The following NEBL variants were observed in gnomAD, a reference collection of about 807,000 sequenced individuals.
NEBL encodes the protein LIM and SH3 protein 2.
In NEBL, 122 loss-of-function variants were observed where a neutral mutation model predicts 140.2. The ratio of observed to expected loss-of-function variants is 0.87; its 90% CI spans 0.75 to 1.01. The LOEUF is 1.01. Ranked by LOEUF, NEBL falls within the 50% of genes least tolerant of loss-of-function variation. NEBL has a pLI of 0.00. For synonymous variants in NEBL, 436 were observed against 398.9 expected, an observed-to-expected ratio of 1.09 and a Z score of -1.11; for missense variants, 1,365 against 1,231.3, an observed-to-expected ratio of 1.11 and a Z score of -1.62.
rs148238258 is a variant in NEBL at position 21,064,907 on chromosome 10, GA to G, written c.165-44707del. The stretch of plus-strand genomic sequence containing the variant: ...GAAATTAGGTGGTTTGGACAAGCAG[GA>G]AAAAAAAAATATTTAAGAATGAGAT... On this transcript the variant is annotated intron_variant, in intron 2 of 6. Coordinates refer to the NEBL transcript ENST00000417816. Among the ~76,000 whole-genome samples, 1,369 of 149,092 alleles carry G rather than the reference GA, an allele frequency of 9.2e-3. 42 individuals are homozygous for G. Among genetic ancestry groups the G allele is most frequent in the East Asian group, 0.089 (456 of 5,116 alleles).
chr10:20,957,252 G>A (rs1421122081), intron 4 of NEBL, among the ~76,000 whole-genome samples: 1 of 152,130 alleles, frequency 6.6e-6, no homozygotes, highest in Non-Finnish European at 1.5e-5. Flanking sequence ...ATCCGTGTGA[G>A]CTTATTAATG....
At chr10:20,825,078 T>C (rs927001634) in intron 18 of NEBL, among the ~76,000 whole-genome samples, 1 of 152,212 alleles carries the variant, frequency 6.6e-6, no homozygotes, top group Non-Finnish European at 1.5e-5. Context: ...TCCATGGTGC[T>C]ACAGAGGTTT....
chr10:20,928,647 G>A (rs914434249), intron 4 of NEBL, among the ~76,000 whole-genome samples: 1 of 152,134 alleles, frequency 6.6e-6, no homozygotes, highest in African/African-American at 2.4e-5. Flanking sequence ...TCCAATGGAA[G>A]GAAATATTCC....
intron 2 of NEBL, among the ~76,000 whole-genome samples, chr10:21,145,197 GCTATTGCC>G (rs1839837258): frequency 6.6e-6 from 1 of 152,198 alleles, no homozygotes; most frequent in Non-Finnish European, 1.5e-5. Context: ...ACAGTAGGTT[GCTATTGCC>G]CTTTGGTGTG....
chr10:21,209,440 T>C (rs1233375414), intron 3 of NEBL, among the ~76,000 whole-genome samples: 1 of 152,200 alleles, frequency 6.6e-6, no homozygotes, highest in Non-Finnish European at 1.5e-5. Context: ...GGGAGATGTG[T>C]ATTTTTTCAT....
In NEBL at chr10:21,272,037, A is replaced by G. The variant is rs1210592084; in HGVS notation, n.183-20209T>C. Among the ~76,000 whole-genome samples the G allele has an allele frequency of 2.0e-5, 3 of 149,886 alleles. No homozygotes were observed. The East Asian group carries it at 6.0e-4, about 30-fold the overall frequency. ...CAGTGGTGTAATCTCAGCTCACTGC[A>G]AGTTCCGCCTCCCAGGTTCACACCA... On this transcript the variant is annotated intron_variant and non_coding_transcript_variant, in intron 1 of 8. Transcript: ENST00000675702.
At chr10:21,109,259 T>C (rs1046126301) in intron 2 of NEBL, among the ~76,000 whole-genome samples, 3 of 152,142 alleles carry the variant, frequency 2.0e-5, no homozygotes, top group African/African-American at 7.2e-5. Flanking sequence ...GAGAGAATCA[T>C]GTGGTTTTTG....
intron 3 of NEBL, among the ~76,000 whole-genome samples, chr10:21,243,603 C>A (rs916351552): frequency 9.9e-5 from 15 of 152,072 alleles, no homozygotes; most frequent in African/African-American, 3.6e-4. Context: ...TGTGTATTGG[C>A]TCGTTATGAC....
At chr10:20,896,016 G>GATGT (rs1296187844) in intron 2 of NEBL, among the ~76,000 whole-genome samples, 1 of 152,150 alleles carries the variant, frequency 6.6e-6, no homozygotes, top group Non-Finnish European at 1.5e-5. Context: ...GACTTTGGAG[G>GATGT]ATGTGCCAGA....
chr10:20,977,925 G>A (rs778640163), intron 3 of NEBL, among the ~76,000 whole-genome samples: 1 of 152,052 alleles, frequency 6.6e-6, no homozygotes, highest in East Asian at 1.9e-4. Flanking sequence ...GGATTTGCTC[G>A]GAAACAAACA....
At chr10:20,829,368 T>A (rs543726333) in intron 16 of NEBL, among the ~76,000 whole-genome samples, 1 of 142,982 alleles carries the variant, frequency 7.0e-6, no homozygotes, top group African/African-American at 2.6e-5. Context: ...TTCTCACTCA[T>A]AGGTGGGAAT....
At chr10:21,220,750 T>C (rs1842055883) in intron 3 of NEBL, among the ~76,000 whole-genome samples, 1 of 152,142 alleles carries the variant, frequency 6.6e-6, no homozygotes, top group South Asian at 2.1e-4. Flanking sequence ...AAATCATACA[T>C]CAGATAAGAA....
chr10:20,818,890 T>C, intron 20 of NEBL: 1 of 986,324 alleles, frequency 1.0e-6, no homozygotes, highest in Non-Finnish European at 1.2e-6. Flanking sequence ...TGTAAAACTT[T>C]TCCTTTTTAA....
At chr10:21,276,926 G>A (rs1201009025) in intron 1 of NEBL, among the ~76,000 whole-genome samples, 1 of 151,982 alleles carries the variant, frequency 6.6e-6, no homozygotes, top group African/African-American at 2.4e-5. Context: ...CCAAGATCAT[G>A]CCAGTGTACT....
rs568662113 is a variant in NEBL, at chr10:20,859,811, T to A, written c.700A>T (p.Lys234Ter). 4 of 1,501,184 alleles carry A rather than the reference T, an allele frequency of 2.7e-6. No homozygotes were observed. Among genetic ancestry groups the A allele is most frequent in the Admixed American group, 3.4e-5 (2 of 58,900 alleles). 93.0% of individuals were successfully genotyped at this position (1,501,184 alleles called of 1,614,324 possible). The stretch of plus-strand genomic sequence containing the variant: ...TTATCCTTCATTTCATTATCAAATT[T>A]TTCTTTGTATTTAATCTGTCATAAA... ...KLSSQIKYKE[K>*]FDNEMKDKKH... Residue 234 changes from lysine to a stop codon, truncating the protein, a stop_gained, in exon 8 of 28, where the codon AAA (lysine) becomes TAA (stop). Coordinates refer to ENST00000377122, the MANE Select transcript of NEBL (RefSeq NM_006393.3). LOFTEE classifies it high-confidence loss of function.
rs951307941 is a variant in NEBL, at chr10:20,908,997, CT to C, written c.357+52674del. 1.6e-4 allele frequency among the ~76,000 whole-genome samples: 25 copies of C among 151,700 alleles called. No homozygotes were observed. The East Asian group carries it at 1.7e-3, about 11-fold the overall frequency. ...TCATAAAATTTGTGTTTGTGGCACT[CT>C]TTTTTTTAATTTTTAATTTTTTGGG... On this transcript the variant is annotated intron_variant, in intron 4 of 6. Transcript: ENST00000417816.
intron 26 of NEBL, 67 bp from the exon 27 acceptor site, chr10:20,787,375 C>A: frequency 7.9e-7 from 1 of 1,272,678 alleles, no homozygotes; most frequent in Non-Finnish European, 1.1e-6. Flanking sequence ...CATCCCAAAC[C>A]CTCAGAGTGA....
chr10:21,213,608 G>T (rs758925673), intron 3 of NEBL, among the ~76,000 whole-genome samples: 2 of 152,152 alleles, frequency 1.3e-5, no homozygotes, highest in African/African-American at 2.4e-5. Context: ...ATGCTCTCAG[G>T]ACTTAGCAAT....
intron 4 of NEBL, among the ~76,000 whole-genome samples, chr10:20,920,428 G>A (rs1243499701): frequency 1.3e-5 from 2 of 152,178 alleles, no homozygotes; most frequent in African/African-American, 2.4e-5. Context: ...TAAAGAAATT[G>A]TAGTCCAGCG....
Sources: allele counts gnomAD v4.1 joint callset (sites outside exome capture counted in the v4.1 genomes callset), GRCh38; gene constraint gnomAD v4.1.1; transcripts MANE v1.5; gene names NCBI Gene and HGNC (gene_info 2026-07-23, HGNC 2026-07-21).